The following ORMDL1 variants were observed in gnomAD, a reference collection of about 807,000 sequenced individuals.
ORMDL1 encodes the protein ORMDL sphingolipid biosynthesis regulator 1, also known as ORM1-like protein 1.
ORMDL1 carries 10 observed loss-of-function variants against 13.0 expected under a neutral mutation model. That is an observed-to-expected ratio of 0.77 (90% CI 0.47 to 1.30). The LOEUF is 1.30. Ranked by LOEUF, ORMDL1 falls within the 50% of genes most tolerant of loss-of-function variation. The pLI is 0.00. For synonymous variants in ORMDL1, 61 were observed against 63.9 expected (o/e 0.95, Z 0.22); for missense variants, 171 against 186.7 (o/e 0.92, Z 0.49).
downstream of ORMDL1, among the ~76,000 whole-genome samples, chr2:189,768,555 TAA>T (rs1355381930): frequency 5.3e-5 from 8 of 152,358 alleles, 1 homozygote; most frequent in East Asian, 1.5e-3. Flanking sequence ...AAAAATGTCT[TAA>T]GAGTTTGGTT....
At chr2:189,778,390 G>T in intron 3 of ORMDL1, 1 of 451,626 alleles carries the variant, frequency 2.2e-6, no homozygotes, top group Non-Finnish European at 4.4e-6. Context: ...GTGAAACTCC[G>T]TCTCAAAAAA....
At chr2:189,769,727 AGAAG>A (rs1368252628), downstream of ORMDL1, among the ~76,000 whole-genome samples, 1 of 152,186 alleles carries the variant, frequency 6.6e-6, no homozygotes, top group Non-Finnish European at 1.5e-5. Flanking sequence ...AAGTAAATAA[AGAAG>A]GGACAAATCT....
At chr2:189,772,395 G>A (rs1328723072) in intron 4 of ORMDL1, among the ~76,000 whole-genome samples, 1 of 152,164 alleles carries the variant, frequency 6.6e-6, no homozygotes, top group Non-Finnish European at 1.5e-5. Flanking sequence ...TTGCCCTTTT[G>A]ATGTTCTCAT....
At chr2:189,778,220 C>T (rs12618231) in intron 3 of ORMDL1, 86,764 of 406,392 alleles carry the variant, frequency 0.21, 10,557 homozygotes, top group African/African-American at 0.39. Flanking sequence ...CATGGTGAAA[C>T]CCTGTCTGTA....
chr2:189,780,481 G>T (rs956434114), intron 3 of ORMDL1, among the ~76,000 whole-genome samples: 1 of 129,082 alleles, frequency 7.7e-6, no homozygotes, highest in African/African-American at 2.9e-5. Context: ...TACTTGTTTG[G>T]TTTAAGGTGC....
At chr2:189,770,227 T>C (rs2047548560), downstream of ORMDL1, 1 of 152,206 alleles carries the variant, frequency 6.6e-6, no homozygotes, top group South Asian at 2.1e-4. Flanking sequence ...AAATGAATGC[T>C]TTTTGTTACT....
intron 4 of ORMDL1, among the ~76,000 whole-genome samples, chr2:189,772,503 GTAT>G (rs1339762312): frequency 6.6e-6 from 1 of 152,146 alleles, no homozygotes. Flanking sequence ...TCAAATGCAT[GTAT>G]GTTTTTGGAT....
intron 3 of ORMDL1, among the ~76,000 whole-genome samples, chr2:189,776,744 G>C (rs2047706091): frequency 6.6e-6 from 1 of 152,116 alleles, no homozygotes. Context: ...TAACACGTAA[G>C]CTATGGAGGA....
chr2:189,784,275 C>A lies in ORMDL1; in HGVS notation c.-124G>T, dbSNP rs1267112731. ...CGCGTTCGTGCCCACTTACCCGCCGCCCCACTCCGGGCCGCCGGCTCGCAG... is the reference window on the plus strand; with the variant it reads ...CGCGTTCGTGCCCACTTACCCGCCGACCCACTCCGGGCCGCCGGCTCGCAG... On this transcript the variant is annotated 5_prime_UTR_variant, in exon 1 of 5. Transcript: ENST00000392349. 3 of 152,536 alleles carry A rather than the reference C, an allele frequency of 2.0e-5. No individual in the cohort carries two copies. Among genetic ancestry groups the A allele is most frequent in the Non-Finnish European group, 4.4e-5 (3 of 68,296 alleles). The allele number at this position is 152,536 out of a possible 1,614,324, so 9.4% of individuals were successfully genotyped here.
chr2:189,783,481 A>G (rs1291654818), intron 1 of ORMDL1: 1 of 152,204 alleles, frequency 6.6e-6, no homozygotes, highest in African/African-American at 2.4e-5. Context: ...AAACGCTTGT[A>G]TTACGGAGTT....
In ORMDL1 at chr2:189,782,654, C is replaced by A. The variant is rs114754742; in HGVS notation, c.-7-52G>T. The A allele has an allele frequency of 2.0e-3, 3,049 of 1,511,834 alleles. 57 individuals are homozygous for A. The African/African-American group carries it at 0.038, about 19-fold the overall frequency. The allele number at this position is 1,511,834 out of a possible 1,614,324, so 93.7% of individuals were successfully genotyped here. On this transcript the variant is annotated intron_variant, in intron 2 of 4. Transcript: ENST00000392349. ...CACTGATACAACTGGCAACCTAACA[C>A]CCCCAATTCTGACATGACAAGGTAC... is the stretch of plus-strand genomic sequence containing the variant.
At chr2:189,774,181 C>T (rs1347612627) in intron 4 of ORMDL1, among the ~76,000 whole-genome samples, 6 of 152,128 alleles carry the variant, frequency 3.9e-5, no homozygotes, top group Non-Finnish European at 5.9e-5. Context: ...TTTAATAAAT[C>T]GGGTCTTGCT....
downstream of ORMDL1, among the ~76,000 whole-genome samples, chr2:189,766,210 G>C (rs1298295928): frequency 2.0e-5 from 3 of 152,048 alleles, no homozygotes; most frequent in African/African-American, 7.2e-5. Flanking sequence ...CTGTCAATCA[G>C]GTCTTTGGAA....
At chr2:189,764,025 A>T in the ORMDL1 span, 1 of 152,224 alleles carries the variant, frequency 6.6e-6, no homozygotes, top group Non-Finnish European at 1.5e-5. Flanking sequence ...TGGGCCACAG[A>T]GTTTGGGTGC....
rs74589583 is a variant in ORMDL1 at position 189,770,393 on chromosome 2, C to A, written c.*1374G>T. 1 of 152,012 alleles carries A rather than the reference C, an allele frequency of 6.6e-6. No homozygotes were observed. The highest frequency in any genetic ancestry group is 6.5e-5 in the Admixed American group (1 of 15,274). 9.4% of individuals were successfully genotyped at this position (152,012 alleles called of 1,614,324 possible). On this transcript the variant is annotated 3_prime_UTR_variant, in exon 5 of 5. Coordinates refer to ENST00000392349, the MANE Select transcript of ORMDL1 (RefSeq NM_016467.5). ...TTATTTAAAAATACACGGGAAAAGA[C>A]AGACATACAAAGGTAGTATCATACA...
rs961414488 is a variant in ORMDL1, at chr2:189,770,769, A to G, written c.*998T>C. 6.6e-6 allele frequency: 1 copy of G among 152,136 alleles called. No homozygotes were observed. Among genetic ancestry groups the G allele is most frequent in the African/African-American group, 2.4e-5 (1 of 41,438 alleles). The allele number at this position is 152,136 out of a possible 1,614,324, so 9.4% of individuals were successfully genotyped here. The stretch of plus-strand genomic sequence containing the variant: ...TCAAAGGCAAAATATGGGGGTTGAG[A>G]GCAGGAGGACTAAGAAAAGAAAATG... On this transcript the variant is annotated 3_prime_UTR_variant, in exon 5 of 5. Coordinates refer to ENST00000392349, the MANE Select transcript of ORMDL1 (RefSeq NM_016467.5).
chr2:189,769,830 A>G (rs1459375798), downstream of ORMDL1, among the ~76,000 whole-genome samples: 1 of 152,212 alleles, frequency 6.6e-6, no homozygotes, highest in Non-Finnish European at 1.5e-5. Flanking sequence ...TGCTGCAAGA[A>G]AGATCCACCA....
chr2:189,778,242 A>G (rs776129676), intron 3 of ORMDL1: 1 of 393,736 alleles, frequency 2.5e-6, no homozygotes, highest in South Asian at 1.9e-5. Context: ...TAAAAATACA[A>G]AAATTAGCCA....
At chr2:189,773,532 G>A (rs1035460945) in intron 4 of ORMDL1, among the ~76,000 whole-genome samples, 2 of 152,026 alleles carry the variant, frequency 1.3e-5, no homozygotes, top group African/African-American at 4.8e-5. Flanking sequence ...GACCAGCCTG[G>A]TCAACATGGT....
Sources: gnomAD v4.1 joint callset for allele counts (sites outside exome capture counted in the v4.1 genomes callset) on GRCh38, gnomAD v4.1.1 for gene constraint, MANE v1.5 for transcripts, NCBI Gene and HGNC (gene_info 2026-07-23, HGNC 2026-07-21) for gene names.